EXOC4: variants seen among roughly 807,000 people sequenced by gnomAD.
EXOC4 encodes the protein SEC8-like 1.
EXOC4 carries 71 observed loss-of-function variants against 107.2 expected under a neutral mutation model. That is an observed-to-expected ratio of 0.66 (90% CI 0.55 to 0.81). The LOEUF (loss-of-function observed/expected upper bound fraction) is 0.81, where lower values mean the gene tolerates loss of function less well. EXOC4 is among the 30% of genes least tolerant of loss of function. EXOC4 has a pLI of 0.00. For synonymous variants in EXOC4, 456 were observed against 441.2 expected, an observed-to-expected ratio of 1.03 and a Z score of -0.42; for missense variants, 1,108 against 1,189.6, an observed-to-expected ratio of 0.93 and a Z score of 1.01.
At chr7:133,865,878 A>T (rs1212106695) in intron 11 of EXOC4, among the ~76,000 whole-genome samples, 1 of 152,204 alleles carries the variant, frequency 6.6e-6, no homozygotes, top group East Asian at 1.9e-4. Context: ...GTAATTCAAT[A>T]TGAAATTTGA....
At chr7:133,550,083 C>T (rs1800556170) in intron 9 of EXOC4, among the ~76,000 whole-genome samples, 1 of 152,102 alleles carries the variant, frequency 6.6e-6, no homozygotes, top group South Asian at 2.1e-4. Context: ...GAATTGAAGC[C>T]ATGCTTTTTG....
At chr7:133,254,988 G>A (rs1269378383) in intron 1 of EXOC4, among the ~76,000 whole-genome samples, 1 of 151,856 alleles carries the variant, frequency 6.6e-6, no homozygotes, top group Non-Finnish European at 1.5e-5. Flanking sequence ...AACATACATT[G>A]CCTTTGCTTG....
At chr7:133,767,431 C>T (rs543108161) in intron 10 of EXOC4, among the ~76,000 whole-genome samples, 5 of 151,644 alleles carry the variant, frequency 3.3e-5, no homozygotes, top group Non-Finnish European at 7.4e-5. Context: ...TAAACAGTGG[C>T]CTTTTATATA....
At chr7:133,335,357 C>G (rs1054262665) in intron 5 of EXOC4, among the ~76,000 whole-genome samples, 2 of 152,178 alleles carry the variant, frequency 1.3e-5, no homozygotes, top group Non-Finnish European at 2.9e-5. Context: ...AACAACTCCT[C>G]TTTGTCCACC....
intron 9 of EXOC4, among the ~76,000 whole-genome samples, chr7:133,584,016 G>A (rs1801338728): frequency 6.6e-6 from 1 of 152,142 alleles, no homozygotes; most frequent in African/African-American, 2.4e-5. Context: ...GGACAAGGAG[G>A]AGTGCGAGAT....
chr7:133,411,859 A>G (rs1030510557), intron 7 of EXOC4, among the ~76,000 whole-genome samples: 4 of 152,146 alleles, frequency 2.6e-5, no homozygotes, highest in Non-Finnish European at 2.9e-5. Flanking sequence ...CATAGTGTCA[A>G]GTGGAACATG....
chr7:133,601,382 T>A (rs1369964549), intron 9 of EXOC4, among the ~76,000 whole-genome samples: 3 of 152,108 alleles, frequency 2.0e-5, no homozygotes, highest in Non-Finnish European at 4.4e-5. Context: ...TATATTTATA[T>A]ATATATTTTT....
At chr7:133,439,590 G>T (rs141890201) in intron 7 of EXOC4, among the ~76,000 whole-genome samples, 1 of 152,240 alleles carries the variant, frequency 6.6e-6, no homozygotes, top group Non-Finnish European at 1.5e-5. Context: ...TATAGTGTAC[G>T]TATTTATGTG....
chr7:133,698,516 A>G (rs112733176), intron 10 of EXOC4, among the ~76,000 whole-genome samples: 130 of 150,432 alleles, frequency 8.6e-4, no homozygotes, highest in African/African-American at 3.0e-3. Context: ...TATGAGGTTG[A>G]GGTTGCAGTG....
chr7:133,480,378 G>A (rs1420907735), intron 9 of EXOC4: 8 of 1,328,774 alleles, frequency 6.0e-6, no homozygotes, highest in Middle Eastern at 2.9e-4. Context: ...AAAAAGAGAT[G>A]AGGCCAGGCT....
intron 9 of EXOC4, among the ~76,000 whole-genome samples, chr7:133,615,405 T>G (rs561342697): frequency 6.6e-6 from 1 of 152,314 alleles, no homozygotes; most frequent in South Asian, 2.1e-4. Context: ...AACAATACAG[T>G]ATAACACACA....
At position 133,530,185 on chromosome 7, in the gene EXOC4, T is replaced by C. The variant is rs77461789; in HGVS notation, c.1417+50047T>C. The stretch of plus-strand genomic sequence containing the variant: ...TTTAAGAGGTGGAAGTCGTGTGACA[T>C]AGTAACCTAGAAAAAGAGAGGTAAG... On this transcript the variant is annotated intron_variant, in intron 9 of 17. Transcript: ENST00000253861. Among the ~76,000 whole-genome samples, 333 of 152,312 alleles carry C rather than the reference T, an allele frequency of 2.2e-3. 2 individuals are homozygous for C. The highest frequency in any genetic ancestry group is 7.7e-3 in the African/African-American group (319 of 41,574).
intron 9 of EXOC4, among the ~76,000 whole-genome samples, chr7:133,541,776 A>C (rs1449216835): frequency 6.6e-6 from 1 of 151,986 alleles, no homozygotes; most frequent in Non-Finnish European, 1.5e-5. Flanking sequence ...TTCTTAGTGG[A>C]TGTTGGCCTC....
chr7:133,686,925 C>T lies in EXOC4; in HGVS notation c.1514+56784C>T, dbSNP rs1041538264. On this transcript the variant is annotated intron_variant, in intron 10 of 17. Coordinates refer to ENST00000253861, the MANE Select transcript of EXOC4 (RefSeq NM_021807.4). ...TTGCACATGCATGTTTGTAGCAGCA[C>T]AATTCGCAATTGCAAAAATACAGAA... 2.0e-5 allele frequency among the ~76,000 whole-genome samples: 3 copies of T among 151,906 alleles called. No individual in the cohort carries two copies. The East Asian group carries it at 5.8e-4, about 30-fold the overall frequency.
chr7:134,061,351 C>G (rs1796050831), intron 17 of EXOC4, among the ~76,000 whole-genome samples: 1 of 152,180 alleles, frequency 6.6e-6, no homozygotes, highest in Admixed American at 6.5e-5. Context: ...GCTTCTGTAG[C>G]CTTCTCTGAT....
At chr7:133,497,637 G>T (rs1765949864) in intron 9 of EXOC4, among the ~76,000 whole-genome samples, 1 of 152,014 alleles carries the variant, frequency 6.6e-6, no homozygotes, top group African/African-American at 2.4e-5. Context: ...CACCATGCTG[G>T]CCAGGCTGGT....
At chr7:133,896,653 AT>A (rs1165125888) in intron 12 of EXOC4, among the ~76,000 whole-genome samples, 1 of 131,096 alleles carries the variant, frequency 7.6e-6, no homozygotes, top group South Asian at 3.0e-4. Context: ...TATTTTATTT[AT>A]TTTATTTATT....
chr7:133,578,210 T>C (rs1801174876), intron 9 of EXOC4, among the ~76,000 whole-genome samples: 1 of 152,184 alleles, frequency 6.6e-6, no homozygotes, highest in Admixed American at 6.5e-5. Flanking sequence ...TTATCCCTTT[T>C]AAATCAGTTT....
intron 10 of EXOC4, among the ~76,000 whole-genome samples, chr7:133,807,224 G>T (rs901710613): frequency 6.6e-6 from 1 of 151,898 alleles, no homozygotes; most frequent in African/African-American, 2.4e-5. Flanking sequence ...AGCTGTTAAT[G>T]TTACTGCCAT....
Sources: gnomAD v4.1 joint callset for allele counts (sites outside exome capture counted in the v4.1 genomes callset) on GRCh38, gnomAD v4.1.1 for gene constraint, MANE v1.5 for transcripts, NCBI Gene and HGNC (gene_info 2026-07-23, HGNC 2026-07-21) for gene names.